The following DEFB1 variants were observed in gnomAD, a reference collection of about 807,000 sequenced individuals.
DEFB1 encodes the protein beta-defensin 1.
DEFB1 carries 4 observed loss-of-function variants against 2.6 expected under a neutral mutation model. That is an observed-to-expected ratio of 1.53 (90% CI 0.76 to 3.51). The LOEUF (loss-of-function observed/expected upper bound fraction) is 3.51, where lower values mean the gene tolerates loss of function less well. DEFB1 is among the 30% of genes most tolerant of loss of function. The probability of loss-of-function intolerance (pLI) is 0.01; values close to 1 mark genes in which losing one functional copy is unlikely to be tolerated. For missense variants in DEFB1, 162 were observed against 76.9 expected, an observed-to-expected ratio of 2.11 and a Z score of -4.14; for synonymous variants, 56 against 28.5, an observed-to-expected ratio of 1.96 and a Z score of -3.07.
chr8:6,870,978 TG>T (rs1806290736), intron 1 of DEFB1, 152 bp from the exon 2 acceptor site: 1 of 861,500 alleles, frequency 1.2e-6, no homozygotes, highest in Admixed American at 3.0e-5. Flanking sequence ...GGGCTACTCA[TG>T]AAATGAGGTG....
chr8:6,873,584 C>T (rs1017631105), intron 1 of DEFB1, among the ~76,000 whole-genome samples: 8 of 152,156 alleles, frequency 5.3e-5, no homozygotes, highest in African/African-American at 1.4e-4. Flanking sequence ...GGCCAATATC[C>T]TAAACAAATT....
rs138809424 is a variant in DEFB1 at position 6,874,240 on chromosome 8, C to G, written c.62-3414G>C. On this transcript the variant is annotated intron_variant, in intron 1 of 1. Transcript: ENST00000297439. ...TTTGAGAGAAAGACCGAAACAAAAG[C>G]AGGAACATCACATCCTACTAACATA... is the stretch of plus-strand genomic sequence containing the variant. Among the ~76,000 whole-genome samples the G allele has an allele frequency of 7.1e-3, 1,082 of 152,026 alleles. 9 individuals carry two copies. Among genetic ancestry groups the G allele is most frequent in the African/African-American group, 0.021 (852 of 41,434 alleles).
chr8:6,877,095 C>G lies in DEFB1; in HGVS notation c.61+702G>C, dbSNP rs5743425. Among the ~76,000 whole-genome samples the G allele has an allele frequency of 5.1e-3, 777 of 152,216 alleles. 12 individuals are homozygous for G. The highest frequency in any genetic ancestry group is 0.018 in the African/African-American group (729 of 41,520). On this transcript the variant is annotated intron_variant, in intron 1 of 1. Transcript: ENST00000297439. The stretch of plus-strand genomic sequence containing the variant: ...CCCCTCATTCTGCAGATGAATAAAC[C>G]AAGGCTTAGCACCATGTGACTCGTG...
rs1800968 is a variant in DEFB1 at position 6,870,689 on chromosome 8, A to G, written c.199T>C (p.Cys67Arg). ...GTCYRGKAKC[C>R]K is the part of the protein sequence containing the mutation. The stretch of plus-strand genomic sequence containing the variant: ...TTCTGGTCACTCCCAGCTCACTTGC[A>G]GCACTTGGCCTTCCCTCTGTAACAG... Residue 67 changes from cysteine (C) to arginine (R), a missense_variant, in exon 2 of 2, where the codon TGC becomes CGC. By Grantham distance (180) the Cys-to-Arg change is radical. Transcript: ENST00000297439. The G allele has an allele frequency of 8.1e-6, 13 of 1,613,886 alleles. No individual in the cohort carries two copies. The highest frequency in any genetic ancestry group is 2.5e-6 in the Non-Finnish European group (3 of 1,179,966).
intron 1 of DEFB1, among the ~76,000 whole-genome samples, chr8:6,871,281 C>G (rs1348037435): frequency 2.0e-5 from 3 of 152,240 alleles, no homozygotes; most frequent in Admixed American, 6.5e-5. Context: ...GGCCCCCTCA[C>G]TTCCCACATC....
chr8:6,874,628 G>C (rs1209747540), intron 1 of DEFB1, among the ~76,000 whole-genome samples: 1 of 152,134 alleles, frequency 6.6e-6, no homozygotes, highest in Non-Finnish European at 1.5e-5. Context: ...TGCATACATG[G>C]AGAATTGATG....
At chr8:6,871,479 G>C (rs771800604) in intron 1 of DEFB1, among the ~76,000 whole-genome samples, 43 of 152,136 alleles carry the variant, frequency 2.8e-4, no homozygotes, top group Non-Finnish European at 5.1e-4. Flanking sequence ...AGTCGCCTGT[G>C]ATATTCCTGG....
In DEFB1 at chr8:6,870,666, C is replaced by G; in HGVS notation, c.*15G>C. ...TCATTTCACTTCTGCGTCATTTCTT[C>G]TGGTCACTCCCAGCTCACTTGCAGC... On this transcript the variant is annotated 3_prime_UTR_variant, in exon 2 of 2. Coordinates refer to ENST00000297439, the MANE Select transcript of DEFB1 (RefSeq NM_005218.4). 8 of 1,602,826 alleles carry G rather than the reference C, an allele frequency of 5.0e-6. No individual in the cohort carries two copies. Among genetic ancestry groups the G allele is most frequent in the Non-Finnish European group, 6.8e-6 (8 of 1,177,104 alleles).
At position 6,870,600 on chromosome 8, in the gene DEFB1, A is replaced by T. The variant is rs1399507874; in HGVS notation, c.*81T>A. 6.4e-7 allele frequency: 1 copy of T among 1,553,296 alleles called. No individual in the cohort carries two copies. Among genetic ancestry groups the T allele is most frequent in the Non-Finnish European group, 8.7e-7 (1 of 1,150,048 alleles). ...TTTTGGCCCAAAGGAGGTATACTTC[A>T]AAAGCAATTTTCCTTTATTAAAAGA... is the stretch of plus-strand genomic sequence containing the variant. On this transcript the variant is annotated 3_prime_UTR_variant, in exon 2 of 2. Coordinates refer to ENST00000297439, the MANE Select transcript of DEFB1 (RefSeq NM_005218.4).
At chr8:6,876,501 A>G (rs1806535198) in intron 1 of DEFB1, among the ~76,000 whole-genome samples, 1 of 151,918 alleles carries the variant, frequency 6.6e-6, no homozygotes. Context: ...AAACAAAACA[A>G]AAAAACACGG....
intron 1 of DEFB1, among the ~76,000 whole-genome samples, chr8:6,872,866 C>T (rs377717723): frequency 3.3e-5 from 5 of 152,208 alleles, no homozygotes; most frequent in East Asian, 1.9e-4. Flanking sequence ...TTTAGTCTCC[C>T]TGCACTGGAG....
chr8:6,872,043 C>T (rs1052333751), intron 1 of DEFB1, among the ~76,000 whole-genome samples: 1 of 152,160 alleles, frequency 6.6e-6, no homozygotes, highest in Non-Finnish European at 1.5e-5. Flanking sequence ...CATCCAAAGG[C>T]TATTTTTCCA....
At chr8:6,877,240 G>T (rs886935456) in intron 1 of DEFB1, among the ~76,000 whole-genome samples, 1 of 152,224 alleles carries the variant, frequency 6.6e-6, no homozygotes, top group Non-Finnish European at 1.5e-5. Flanking sequence ...CTCACAGGAA[G>T]CCCCCTCCTA....
At chr8:6,873,656 A>G (rs141275771) in intron 1 of DEFB1, among the ~76,000 whole-genome samples, 18 of 151,196 alleles carry the variant, frequency 1.2e-4, no homozygotes, top group African/African-American at 2.9e-4. Context: ...CTAAACACTG[A>G]GACACTGGGG....
intron 1 of DEFB1, among the ~76,000 whole-genome samples, chr8:6,874,146 C>G (rs1806431046): frequency 4.4e-5 from 2 of 45,248 alleles, no homozygotes; most frequent in Admixed American, 2.0e-4. Context: ...CACACACACA[C>G]GCACACACAC....
chr8:6,876,767 C>T (rs1274860612), intron 1 of DEFB1, among the ~76,000 whole-genome samples: 1 of 148,292 alleles, frequency 6.7e-6, no homozygotes, highest in East Asian at 2.0e-4. Context: ...CACACCACTG[C>T]ACTTTAGCCT....
intron 1 of DEFB1, among the ~76,000 whole-genome samples, chr8:6,875,428 G>T (rs1334455497): frequency 6.6e-6 from 1 of 152,012 alleles, no homozygotes; most frequent in African/African-American, 2.4e-5. Context: ...AATAAGAAAA[G>T]ACAGATAATC....
At chr8:6,871,005 C>G (rs1274601590) in intron 1 of DEFB1, among the ~76,000 whole-genome samples, 179 bp from the exon 2 acceptor site, 1 of 152,250 alleles carries the variant, frequency 6.6e-6, no homozygotes, top group Non-Finnish European at 1.5e-5. Context: ...ACAGCTTACT[C>G]AGTCTGGGGC....
At chr8:6,876,225 C>G (rs1158817108) in intron 1 of DEFB1, among the ~76,000 whole-genome samples, 1 of 152,100 alleles carries the variant, frequency 6.6e-6, no homozygotes, top group African/African-American at 2.4e-5. Context: ...GGCTGTAATC[C>G]CAGCACTTTG....
Sources: allele counts gnomAD v4.1 joint callset (sites outside exome capture counted in the v4.1 genomes callset), GRCh38; gene constraint gnomAD v4.1.1; transcripts MANE v1.5; gene names NCBI Gene and HGNC (gene_info 2026-07-23, HGNC 2026-07-21).